Variants in APP observed in about 807,000 individuals in gnomAD.
APP encodes the protein amyloid-beta precursor protein.
Under a neutral mutation model 101.4 loss-of-function variants are expected in APP, and 31 were observed. The ratio of observed to expected loss-of-function variants is 0.31; its 90% CI spans 0.23 to 0.41. APP has a LOEUF of 0.41. Among genes scored for constraint, APP ranks in the 10% least tolerant of loss-of-function variants. The probability of loss-of-function intolerance (pLI) is 1.00; values close to 1 mark genes in which losing one functional copy is unlikely to be tolerated. For missense variants in APP, 839 were observed against 1,003.7 expected (o/e 0.84, Z 2.22); for synonymous variants, 366 against 364.4 (o/e 1.00, Z -0.05).
At chr21:25,909,266 C>CAAAAAA (rs35504500) in intron 14 of APP, among the ~76,000 whole-genome samples, 1 of 76,220 alleles carries the variant, frequency 1.3e-5, no homozygotes. Context: ...GACTCCGTCT[C>CAAAAAA]AAAAAAAAAA....
intron 1 of APP, among the ~76,000 whole-genome samples, chr21:26,118,347 CTCTT>C (rs1209923364): frequency 6.6e-6 from 1 of 152,176 alleles, no homozygotes; most frequent in Admixed American, 6.5e-5. Context: ...GGCAAACAAA[CTCTT>C]AGCCTCAAAA....
At chr21:26,139,830 A>G (rs2063000888) in intron 1 of APP, among the ~76,000 whole-genome samples, 1 of 152,158 alleles carries the variant, frequency 6.6e-6, no homozygotes, top group Non-Finnish European at 1.5e-5. Context: ...CAGTGAGCCA[A>G]TATCGGGCCA....
chr21:25,945,266 G>A (rs1188707421), intron 13 of APP, among the ~76,000 whole-genome samples: 1 of 151,620 alleles, frequency 6.6e-6, no homozygotes, highest in Admixed American at 6.6e-5. Flanking sequence ...GGCTCAAGGT[G>A]GAATCATTTC....
At chr21:25,961,167 C>A (rs2041564057) in intron 11 of APP, among the ~76,000 whole-genome samples, 1 of 152,202 alleles carries the variant, frequency 6.6e-6, no homozygotes, top group African/African-American at 2.4e-5. Flanking sequence ...GTTCATCTCA[C>A]CTATCTCTGA....
chr21:26,134,626 C>T lies in APP; in HGVS notation c.58-22480G>A, dbSNP rs780089194. Among the ~76,000 whole-genome samples the T allele has an allele frequency of 3.9e-5, 6 of 152,324 alleles. No individual in the cohort carries two copies. In the East Asian group the frequency reaches 5.8e-4, roughly 15 times the overall value. On this transcript the variant is annotated intron_variant, in intron 1 of 17. Transcript: ENST00000346798. The stretch of plus-strand genomic sequence containing the variant: ...TTCAGCTATCTGGAAGTTCCCAGAA[C>T]GCGGTCCTTCAGGGTTGTTAAGAAA...
At chr21:26,015,767 G>A (rs1048364665) in intron 6 of APP, among the ~76,000 whole-genome samples, 6 of 143,682 alleles carry the variant, frequency 4.2e-5, no homozygotes, top group African/African-American at 7.8e-5. Context: ...CACAGTCACC[G>A]TCTTATAGTG....
chr21:26,088,844 T>C (rs1393264794), intron 3 of APP, among the ~76,000 whole-genome samples: 1 of 152,234 alleles, frequency 6.6e-6, no homozygotes. Context: ...TTCTACACTC[T>C]CTTCATCAAT....
chr21:26,170,658 G>A lies in APP; in HGVS notation c.-38C>T, dbSNP rs937806521. 6 of 1,520,134 alleles carry A rather than the reference G, an allele frequency of 3.9e-6. No individual in the cohort carries two copies. In the African/African-American group the frequency reaches 4.3e-5, roughly 11 times the overall value. 94.2% of individuals were successfully genotyped at this position (1,520,134 alleles called of 1,614,324 possible). A position where few individuals can be genotyped will look rare whatever the true frequency, so the allele number is the denominator to read the frequency against. ...CGGGGCACCGAGTGCGCTGCTGTGC[G>A]AGTGGGATCCGCCGCGTCCTTGCTC... On this transcript the variant is annotated 5_prime_UTR_variant, in exon 1 of 18. Coordinates refer to ENST00000346798, the MANE Select transcript of APP (RefSeq NM_000484.4).
At chr21:26,077,488 T>G (rs2061519503) in intron 3 of APP, among the ~76,000 whole-genome samples, 1 of 152,200 alleles carries the variant, frequency 6.6e-6, no homozygotes, top group Non-Finnish European at 1.5e-5. Flanking sequence ...CAGTTAATAT[T>G]TGCCCCATTT....
intron 1 of APP, among the ~76,000 whole-genome samples, chr21:26,130,995 C>T (rs1027159887): frequency 4.6e-5 from 7 of 152,074 alleles, no homozygotes; most frequent in African/African-American, 1.7e-4. Context: ...TTTGGGAGGC[C>T]GAGGCAGGTG....
chr21:26,000,228 C>A, intron 6 of APP, 46 bp from the exon 7 acceptor site: 1 of 1,606,428 alleles, frequency 6.2e-7, no homozygotes, highest in South Asian at 1.1e-5. Context: ...TGAAAAGGCA[C>A]TGTCTCTCTG....
intron 13 of APP, among the ~76,000 whole-genome samples, chr21:25,917,138 G>A (rs1190885909): frequency 6.6e-6 from 1 of 151,974 alleles, no homozygotes; most frequent in African/African-American, 2.4e-5. Context: ...GCGGACGCCT[G>A]TAATCCCACC....
At chr21:26,110,339 A>G (rs1252076932) in intron 2 of APP, among the ~76,000 whole-genome samples, 2 of 152,022 alleles carry the variant, frequency 1.3e-5, no homozygotes, top group Admixed American at 1.3e-4. Context: ...CCATCTACTC[A>G]GGAGGCTGAG....
chr21:26,106,877 C>G (rs541467615), intron 2 of APP, among the ~76,000 whole-genome samples: 1 of 152,206 alleles, frequency 6.6e-6, no homozygotes, highest in Admixed American at 6.5e-5. Flanking sequence ...TGGACTACAA[C>G]GTAACTTCTC....
chr21:26,008,289 G>A (rs759735555), intron 6 of APP, among the ~76,000 whole-genome samples: 26 of 152,186 alleles, frequency 1.7e-4, no homozygotes, highest in Non-Finnish European at 3.1e-4. Flanking sequence ...GACGGTGTTA[G>A]GGAACACTCA....
In APP at chr21:26,047,349, C is replaced by G. The variant is rs558672551; in HGVS notation, c.662+3651G>C. Among the ~76,000 whole-genome samples the G allele has an allele frequency of 3.9e-5, 6 of 152,298 alleles. No homozygotes were observed. The South Asian group carries it at 1.2e-3, about 32-fold the overall frequency. ...TTCTTCAAGAATTGTCACGTAGCAT[C>G]CCCTGAAGATGTTTTAAGTCAGGTA... On this transcript the variant is annotated intron_variant, in intron 5 of 17. Coordinates refer to ENST00000346798, the MANE Select transcript of APP (RefSeq NM_000484.4).
chr21:26,080,365 T>A (rs1352363336), intron 3 of APP, among the ~76,000 whole-genome samples: 1 of 152,174 alleles, frequency 6.6e-6, no homozygotes, highest in Non-Finnish European at 1.5e-5. Context: ...ATAACCAAAG[T>A]CGCAGGTGAT....
intron 1 of APP, among the ~76,000 whole-genome samples, chr21:26,150,740 T>C (rs916343667): frequency 3.3e-5 from 5 of 152,218 alleles, no homozygotes; most frequent in African/African-American, 9.6e-5. Context: ...ATGCTTGGCA[T>C]AGTGTTGGTG....
chr21:25,881,910 T>G lies in APP; in HGVS notation c.2212-139A>C, dbSNP rs111842303. On this transcript the variant is annotated intron_variant, in intron 17 of 17. Coordinates refer to ENST00000346798, the MANE Select transcript of APP (RefSeq NM_000484.4). ...GAACACCCATAATTTTCTCCCCCAC[T>G]TTGACATCTTGGAGCAGAACGCCTT... The G allele has an allele frequency of 1.5e-3, 1,345 of 879,130 alleles. 17 individuals are homozygous for G. The African/African-American group carries it at 0.019, about 12-fold the overall frequency. The allele number at this position is 879,130 out of a possible 1,614,324, so 54.5% of individuals were successfully genotyped here. A position where few individuals can be genotyped will look rare whatever the true frequency, so the allele number is the denominator to read the frequency against.
Sources: gnomAD v4.1 joint callset for allele counts (sites outside exome capture counted in the v4.1 genomes callset) on GRCh38, gnomAD v4.1.1 for gene constraint, MANE v1.5 for transcripts, NCBI Gene and HGNC (gene_info 2026-07-23, HGNC 2026-07-21) for gene names.